ADAMTS14: variants seen among roughly 807,000 people sequenced by gnomAD.
ADAMTS14 encodes the protein A disintegrin and metalloproteinase with thrombospondin motifs 14.
ADAMTS14 carries 100 observed loss-of-function variants against 128.6 expected under a neutral mutation model. The observed-to-expected ratio is 0.78, with a 90% confidence interval of 0.66 to 0.92. The LOEUF is 0.92. Among genes scored for constraint, ADAMTS14 ranks in the 40% least tolerant of loss-of-function variants. The pLI, the probability that ADAMTS14 is intolerant of heterozygous loss-of-function variation, is 0.00. For missense variants in ADAMTS14, 1,562 were observed against 1,658.6 expected (o/e 0.94, Z 1.01); for synonymous variants, 665 against 653.8 (o/e 1.02, Z -0.26).
chr10:70,710,828 C>T (rs1840831259), intron 4 of ADAMTS14, among the ~76,000 whole-genome samples: 1 of 152,182 alleles, frequency 6.6e-6, no homozygotes, highest in Non-Finnish European at 1.5e-5. Flanking sequence ...AATAATGTGA[C>T]CTTCGTGAAG....
intron 14 of ADAMTS14, among the ~76,000 whole-genome samples, chr10:70,744,797 G>C (rs772114899): frequency 4.6e-5 from 7 of 152,162 alleles, no homozygotes; most frequent in Middle Eastern, 3.2e-3. Flanking sequence ...CCAGGCCTTG[G>C]GTCGGGAGGG....
intron 16 of ADAMTS14, among the ~76,000 whole-genome samples, chr10:70,750,447 C>G (rs940933281): frequency 2.6e-5 from 4 of 152,190 alleles, no homozygotes; most frequent in Admixed American, 6.5e-5. Flanking sequence ...CCCATACCCC[C>G]CTTCCTAGAG....
At chr10:70,755,702 G>A (rs1036064922) in intron 19 of ADAMTS14, among the ~76,000 whole-genome samples, 50 of 152,248 alleles carry the variant, frequency 3.3e-4, no homozygotes, top group Non-Finnish European at 6.6e-4. Flanking sequence ...AAAATTAGCC[G>A]GGTGTGGTGG....
chr10:70,758,457 A>G (rs1046864930), intron 21 of ADAMTS14, among the ~76,000 whole-genome samples, 172 bp downstream of exon 21: 5 of 152,218 alleles, frequency 3.3e-5, no homozygotes, highest in Non-Finnish European at 7.3e-5. Context: ...CTACTGGTCC[A>G]TGAGCCGTTA....
At chr10:70,729,951 G>A in intron 5 of ADAMTS14, 151 bp from the exon 6 acceptor site, 1 of 873,922 alleles carries the variant, frequency 1.1e-6, no homozygotes, top group Non-Finnish European at 1.7e-6. Context: ...TGTGCCAGCA[G>A]CAGTTGAGTG....
chr10:70,684,335 T>C (rs1278633522), intron 2 of ADAMTS14, among the ~76,000 whole-genome samples: 1 of 152,094 alleles, frequency 6.6e-6, no homozygotes, highest in African/African-American at 2.4e-5. Context: ...GGGACACAGA[T>C]CCAAACCATA....
chr10:70,751,514 C>T lies in ADAMTS14; in HGVS notation c.2464C>T (p.Leu822=), dbSNP rs976360861. 2 of 1,611,768 alleles carry T rather than the reference C, an allele frequency of 1.2e-6. No homozygotes were observed. The highest frequency in any genetic ancestry group is 1.7e-6 in the Non-Finnish European group (2 of 1,178,132). ...PPTEGGPRSS[L]AYKYVIHEDL... is the part of the protein sequence containing the mutation. Reference sequence around the variant, plus strand: ...AACTGAGGGTGGCCCCCGCAGCAGCCTGGCCTACAAGTACGTCATCCATGA... The same window carrying T: ...AACTGAGGGTGGCCCCCGCAGCAGCTTGGCCTACAAGTACGTCATCCATGA... Residue 822 remains leucine (L), a synonymous_variant, in exon 17 of 22, where the codon CTG becomes TTG. Transcript: ENST00000373207.
Position 70,719,740 on chromosome 10 carries a change from T to C in ADAMTS14, c.871-9554T>C, listed in dbSNP as rs539721179. Among the ~76,000 whole-genome samples, 16 of 152,364 alleles carry C rather than the reference T, an allele frequency of 1.1e-4. No homozygotes were observed. The East Asian group carries it at 2.9e-3, about 28-fold the overall frequency. ...GTTTTAAACTAACAGATGCCATTGA[T>C]CAAGCACATGCTATGGGCCAGGCCT... is the stretch of plus-strand genomic sequence containing the variant. On this transcript the variant is annotated intron_variant, in intron 4 of 21. Transcript: ENST00000373207.
chr10:70,730,122 C>T lies in ADAMTS14; in HGVS notation c.975C>T (p.Arg325=), dbSNP rs75289880. The T allele has an allele frequency of 4.7e-5, 75 of 1,608,060 alleles. No individual in the cohort carries two copies. Among genetic ancestry groups the T allele is most frequent in the Non-Finnish European group, 5.7e-5 (67 of 1,179,274 alleles). The change falls in exon 6 of 22, where the codon CGC becomes CGT. Residue 325 remains arginine (R), a synonymous_variant. Coordinates refer to ENST00000373207, the MANE Select transcript of ADAMTS14 (RefSeq NM_080722.4). ...TGCAGTCCCTGAGCCTGATCGAGCG[C>T]GGGAACCCCTCACGCAGCCTGGAGC... ...GYRQSLSLIE[R]GNPSRSLEQV...
Position 70,674,691 on chromosome 10 carries a change from C to G in ADAMTS14, c.218C>G (p.Pro73Arg). 6.2e-7 allele frequency: 1 copy of G among 1,613,566 alleles called. No homozygotes were observed. Among genetic ancestry groups the G allele is most frequent in the Non-Finnish European group, 8.5e-7 (1 of 1,180,044 alleles). The stretch of plus-strand genomic sequence containing the variant: ...GCAGGGAGCATGGTAGTGGACACGC[C>G]ACCCACACTACCACGACACTCCAGT... The part of the protein sequence containing the change: ...ASAGSMVVDT[P>R]PTLPRHSSHL... The change falls in exon 2 of 22, where the codon CCA (proline) becomes CGA (arginine). Residue 73 changes from proline (P) to arginine (R), a missense_variant. Pro to Arg is a moderately radical substitution (Grantham distance 103). Coordinates refer to ENST00000373207, the MANE Select transcript of ADAMTS14 (RefSeq NM_080722.4).
intron 4 of ADAMTS14, among the ~76,000 whole-genome samples, chr10:70,724,881 A>G (rs1195859781): frequency 6.6e-6 from 1 of 152,152 alleles, no homozygotes; most frequent in Non-Finnish European, 1.5e-5. Context: ...TCTCATTGCC[A>G]AGCTCCTTTT....
intron 4 of ADAMTS14, among the ~76,000 whole-genome samples, chr10:70,710,025 A>G (rs10999475): frequency 0.18 from 27,220 of 152,158 alleles, 3,249 homozygotes; most frequent in Non-Finnish European, 0.26. Context: ...GTGAGACCCA[A>G]GGTAGAAATA....
intron 2 of ADAMTS14, among the ~76,000 whole-genome samples, chr10:70,700,855 A>G (rs1291906155): frequency 6.6e-6 from 1 of 152,214 alleles, no homozygotes; most frequent in Non-Finnish European, 1.5e-5. Context: ...GTATAAAGTC[A>G]AAGTGCTCTG....
intron 15 of ADAMTS14, among the ~76,000 whole-genome samples, chr10:70,746,044 C>G (rs1842168928): frequency 6.6e-6 from 1 of 152,204 alleles, no homozygotes; most frequent in Non-Finnish European, 1.5e-5. Context: ...GAAACATAGA[C>G]TAGCTCTTGA....
chr10:70,745,807 G>T (rs1470806778), intron 15 of ADAMTS14, among the ~76,000 whole-genome samples: 7 of 152,118 alleles, frequency 4.6e-5, no homozygotes, highest in Non-Finnish European at 1.0e-4. Flanking sequence ...GCCCTCAGCT[G>T]GTAGGTCTCT....
intron 11 of ADAMTS14, among the ~76,000 whole-genome samples, chr10:70,739,578 G>A (rs4747094): frequency 0.93 from 141,513 of 151,758 alleles, 66,236 homozygotes; most frequent in East Asian, 1. Context: ...TCCAAGCAGA[G>A]GCAGCCTGTT....
At chr10:70,685,769 G>A (rs937391615) in intron 2 of ADAMTS14, among the ~76,000 whole-genome samples, 3 of 152,154 alleles carry the variant, frequency 2.0e-5, no homozygotes, top group African/African-American at 7.2e-5. Flanking sequence ...TGGTAGCTGT[G>A]GCAACAGCTT....
chr10:70,750,022 C>A, intron 16 of ADAMTS14, 37 bp downstream of exon 16: 1 of 1,603,450 alleles, frequency 6.2e-7, no homozygotes. Flanking sequence ...CCCCTGCCCA[C>A]CCCACTTGTC....
At position 70,745,464 on chromosome 10, in the gene ADAMTS14, T is replaced by C. The variant is rs774844867; in HGVS notation, c.2263+158T>C. On this transcript the variant is annotated intron_variant, in intron 15 of 21. Coordinates refer to ENST00000373207, the MANE Select transcript of ADAMTS14 (RefSeq NM_080722.4). ...CCCTTTTCATTTTATTTTAAATTTA[T>C]GCTGCATGGGTAACCCATTCCATGG... 31 of 801,262 alleles carry C rather than the reference T, an allele frequency of 3.9e-5. 1 individual carries two copies. The South Asian group carries it at 4.5e-4, about 12-fold the overall frequency. 49.6% of individuals were successfully genotyped at this position (801,262 alleles called of 1,614,324 possible). A position where few individuals can be genotyped will look rare whatever the true frequency, so the allele number is the denominator to read the frequency against.
Sources: allele counts gnomAD v4.1 joint callset (sites outside exome capture counted in the v4.1 genomes callset), GRCh38; gene constraint gnomAD v4.1.1; transcripts MANE v1.5; gene names NCBI Gene and HGNC (gene_info 2026-07-23, HGNC 2026-07-21).